ZMYND11: variants seen among roughly 807,000 people sequenced by gnomAD.
ZMYND11 encodes the protein zinc finger MYND-type containing 11, also known as zinc finger MYND domain-containing protein 11.
A neutral mutation model predicts 84.9 loss-of-function variants in ZMYND11; 9 were observed. That is an observed-to-expected ratio of 0.11 (90% CI 0.06 to 0.18). ZMYND11 has a LOEUF of 0.18. Ranked by LOEUF, ZMYND11 falls within the 10% of genes least tolerant of loss-of-function variation. The probability of loss-of-function intolerance (pLI) is 1.00; values close to 1 mark genes in which losing one functional copy is unlikely to be tolerated. For synonymous variants in ZMYND11, 250 were observed against 244.1 expected (o/e 1.02, Z -0.23); for missense variants, 409 against 761.0 (o/e 0.54, Z 5.44).
At chr10:211,249 A>G (rs1311627642) in intron 3 of ZMYND11, among the ~76,000 whole-genome samples, 4 of 152,054 alleles carry the variant, frequency 2.6e-5, no homozygotes, top group Non-Finnish European at 5.9e-5. Flanking sequence ...AAAAGAAAAA[A>G]AAAATCTATC....
chr10:132,799 G>A (rs369352984), upstream of ZMYND11, among the ~76,000 whole-genome samples: 1 of 152,294 alleles, frequency 6.6e-6, no homozygotes. Context: ...CTGATTGGGG[G>A]CGGGAGGAGT....
intron 1 of ZMYND11, among the ~76,000 whole-genome samples, chr10:169,369 G>C (rs1350368582): frequency 6.6e-5 from 10 of 152,016 alleles, no homozygotes; most frequent in Non-Finnish European, 1.2e-4. Flanking sequence ...CTTTTACCCA[G>C]TACATAACGT....
intron 1 of ZMYND11, among the ~76,000 whole-genome samples, chr10:143,420 A>T (rs1837947959): frequency 6.6e-6 from 1 of 152,184 alleles, no homozygotes; most frequent in Non-Finnish European, 1.5e-5. Flanking sequence ...TGTCTGAGAA[A>T]TGCTGTTTTA....
intron 2 of ZMYND11, among the ~76,000 whole-genome samples, chr10:182,078 G>T (rs929546622): frequency 1.3e-5 from 2 of 152,084 alleles, no homozygotes. Context: ...TTTTTCAGAT[G>T]ACCTTTGTTC....
intron 3 of ZMYND11, among the ~76,000 whole-genome samples, chr10:215,681 C>T (rs531101657): frequency 3.9e-5 from 6 of 152,014 alleles, no homozygotes; most frequent in South Asian, 4.2e-4. Context: ...CCTCACCCTC[C>T]GAAGTAGCTG....
intron 3 of ZMYND11, among the ~76,000 whole-genome samples, chr10:212,634 T>G (rs1945450464): frequency 6.6e-6 from 1 of 152,012 alleles, no homozygotes; most frequent in Non-Finnish European, 1.5e-5. Context: ...TATGGGCATA[T>G]TAATATCTAT....
intron 1 of ZMYND11, among the ~76,000 whole-genome samples, chr10:162,087 C>T (rs962540815): frequency 6.6e-6 from 1 of 152,116 alleles, no homozygotes; most frequent in South Asian, 2.1e-4. Flanking sequence ...TTCACTTGAA[C>T]GCTTTGAGGC....
At chr10:219,023 TTC>T (rs1052304289) in intron 3 of ZMYND11, among the ~76,000 whole-genome samples, 3 of 152,218 alleles carry the variant, frequency 2.0e-5, no homozygotes, top group African/African-American at 4.8e-5. Context: ...AGCCCATACT[TTC>T]TGTCTGAGAA....
chr10:215,686 T>C (rs1354654937), intron 3 of ZMYND11, among the ~76,000 whole-genome samples: 1 of 151,864 alleles, frequency 6.6e-6, no homozygotes, highest in African/African-American at 2.4e-5. Context: ...CCCTCCGAAG[T>C]AGCTGGGACT....
intron 2 of ZMYND11, among the ~76,000 whole-genome samples, chr10:205,814 G>A (rs1944029110): frequency 6.6e-6 from 1 of 151,144 alleles, no homozygotes; most frequent in Non-Finnish European, 1.5e-5. Context: ...TTGACTCGGT[G>A]GTTGTTTATG....
At chr10:166,536 A>G (rs1844061656) in intron 1 of ZMYND11, among the ~76,000 whole-genome samples, 2 of 152,120 alleles carry the variant, frequency 1.3e-5, no homozygotes, top group Admixed American at 6.6e-5. Context: ...CAAAACCCCA[A>G]TGAGGTAATT....
chr10:167,129 G>T (rs1470598372), intron 1 of ZMYND11, among the ~76,000 whole-genome samples: 1 of 152,108 alleles, frequency 6.6e-6, no homozygotes, highest in Non-Finnish European at 1.5e-5. Flanking sequence ...GTAGTTTGGG[G>T]TGATAAAAAT....
chr10:143,766 C>A (rs1006707163), intron 1 of ZMYND11, among the ~76,000 whole-genome samples: 1 of 152,138 alleles, frequency 6.6e-6, no homozygotes, highest in Admixed American at 6.5e-5. Flanking sequence ...CCAGTCTGCA[C>A]GTATATGTTC....
chr10:163,648 A>G (rs1429256722), intron 1 of ZMYND11, among the ~76,000 whole-genome samples: 1 of 151,750 alleles, frequency 6.6e-6, no homozygotes, highest in Non-Finnish European at 1.5e-5. Context: ...CTGTTTCTGC[A>G]TTTTCTGTTT....
At chr10:248,852 G>A (rs1239232283) in intron 13 of ZMYND11, 51 bp from the exon 14 acceptor site, 1 of 1,559,224 alleles carries the variant, frequency 6.4e-7, no homozygotes. Flanking sequence ...AGTGTAGATG[G>A]TCTGTGTTAA....
At chr10:224,205 G>T (rs1268895792) in intron 4 of ZMYND11, among the ~76,000 whole-genome samples, 2 of 152,116 alleles carry the variant, frequency 1.3e-5, no homozygotes, top group Non-Finnish European at 2.9e-5. Context: ...TCTCCTAGCT[G>T]TCACCTGTGT....
At chr10:160,889 T>C (rs1204923626) in intron 1 of ZMYND11, among the ~76,000 whole-genome samples, 1 of 151,960 alleles carries the variant, frequency 6.6e-6, no homozygotes, top group East Asian at 1.9e-4. Context: ...GGAATCACTA[T>C]ATTAGCTTTA....
chr10:224,952 ATTTTG>A (rs1354786061), intron 4 of ZMYND11, among the ~76,000 whole-genome samples: 1 of 152,134 alleles, frequency 6.6e-6, no homozygotes, highest in African/African-American at 2.4e-5. Context: ...TGAAGTTTAT[ATTTTG>A]TTTTATTTGA....
intron 8 of ZMYND11, 123 bp from the exon 9 acceptor site, chr10:240,767 AAAG>A: frequency 1.3e-6 from 1 of 754,364 alleles, no homozygotes; most frequent in South Asian, 2.0e-5. Flanking sequence ...TTTAGGCTTA[AAAG>A]ATTAAGAAAC....
Sources: gnomAD v4.1 joint callset for allele counts (sites outside exome capture counted in the v4.1 genomes callset) on GRCh38, gnomAD v4.1.1 for gene constraint, MANE v1.5 for transcripts, NCBI Gene and HGNC (gene_info 2026-07-23, HGNC 2026-07-21) for gene names.